Variants in ZNF827 observed in about 807,000 individuals in gnomAD.
The protein encoded by ZNF827 is zinc finger protein 827.
ZNF827 carries 13 observed loss-of-function variants against 102.4 expected under a neutral mutation model. The ratio of observed to expected loss-of-function variants is 0.13; its 90% CI spans 0.08 to 0.20. The LOEUF (loss-of-function observed/expected upper bound fraction) is 0.20, where lower values mean the gene tolerates loss of function less well. Ranked by LOEUF, ZNF827 falls within the 10% of genes least tolerant of loss-of-function variation. The probability of loss-of-function intolerance (pLI) is 1.00; values close to 1 mark genes in which losing one functional copy is unlikely to be tolerated. For synonymous variants in ZNF827, 523 were observed against 536.2 expected (o/e 0.98, Z 0.34); for missense variants, 1,103 against 1,344.4 (o/e 0.82, Z 2.81).
At chr4:145,924,023 T>A (rs1019012240) in intron 1 of ZNF827, among the ~76,000 whole-genome samples, 1 of 152,164 alleles carries the variant, frequency 6.6e-6, no homozygotes, top group Non-Finnish European at 1.5e-5. Context: ...AAAGCAAACA[T>A]CCATTGTGGT....
At chr4:145,891,873 T>A (rs1446174011) in intron 3 of ZNF827, among the ~76,000 whole-genome samples, 1 of 152,174 alleles carries the variant, frequency 6.6e-6, no homozygotes, top group East Asian at 1.9e-4. Context: ...TGGTGCTCAG[T>A]CCAGCAGCTC....
chr4:145,844,270 C>T (rs1263645479), intron 7 of ZNF827, among the ~76,000 whole-genome samples: 6 of 152,044 alleles, frequency 3.9e-5, no homozygotes, highest in Admixed American at 6.6e-5. Context: ...CCAATACAAT[C>T]TGCAGTCCAT....
chr4:145,765,602 G>C lies in ZNF827; in HGVS notation c.2997C>G (p.Ile999Met), dbSNP rs756583284. The C allele has an allele frequency of 6.2e-7, 1 of 1,614,122 alleles. No homozygotes were observed. The highest frequency in any genetic ancestry group is 1.1e-5 in the South Asian group (1 of 91,066). ...KNKGGNNLLV[I>M]SVMPGSQPSL... ...AGGGCTGGCTCCCAGGCATGACAGA[G>C]ATGACCAGCAGATTGTTCCCGCCCT... Residue 999 changes from isoleucine (I) to methionine (M), a missense_variant, in exon 12 of 15, where the codon ATC becomes ATG. This residue lies in a region of ZNF827 where 242 missense variants were observed against 361.9 expected (regional missense o/e 0.67). Coordinates refer to ENST00000508784, the MANE Select transcript of ZNF827 (RefSeq NM_001306215.2). This position sits in a 1 kb window ranked among gnomAD's most constrained non-coding sequence, Gnocchi z 4.7.
chr4:145,791,603 A>G lies in ZNF827; in HGVS notation c.2384-12092T>C, dbSNP rs375483847. Among the ~76,000 whole-genome samples, 214 of 152,318 alleles carry G rather than the reference A, an allele frequency of 1.4e-3. 1 individual carries two copies. Among genetic ancestry groups the G allele is most frequent in the African/African-American group, 5.0e-3 (209 of 41,576 alleles). ...TATATAAATAAAATAGGCCATCTCT[A>G]TTATATCATTCTCAATAATTTGAAT... On this transcript the variant is annotated intron_variant, in intron 8 of 14. Coordinates refer to ENST00000508784, the MANE Select transcript of ZNF827 (RefSeq NM_001306215.2).
At chr4:145,877,042 C>CT (rs950594939) in intron 4 of ZNF827, among the ~76,000 whole-genome samples, 5 of 152,034 alleles carry the variant, frequency 3.3e-5, no homozygotes, top group African/African-American at 1.2e-4. Flanking sequence ...CAAATAGCAA[C>CT]TTTTTTTCCC....
chr4:145,776,518 T>A (rs148893499), intron 9 of ZNF827, among the ~76,000 whole-genome samples: 273 of 152,142 alleles, frequency 1.8e-3, no homozygotes, highest in African/African-American at 6.3e-3. Context: ...ACCTGCTTTT[T>A]TTTTCCTGGA....
Position 145,870,225 on chromosome 4 carries a change from T to TTTTAGAATATTCACTTGA in ZNF827, c.1981+19_1981+20insTCAAGTGAATATTCTAAA. 1 of 1,611,176 alleles carries TTTTAGAATATTCACTTGA rather than the reference T, an allele frequency of 6.2e-7. No homozygotes were observed. On this transcript the variant is annotated intron_variant, in intron 5 of 14. Coordinates refer to ENST00000508784, the MANE Select transcript of ZNF827 (RefSeq NM_001306215.2). ...AAGTGAAACTATCAGAATGTGAATA[T>TTTTAGAATATTCACTTGA]TTTAGAATAAATCAAGTACCTGAGA...
At chr4:145,892,111 T>G (rs1014864726) in intron 3 of ZNF827, 132 bp downstream of exon 3, 5 of 781,724 alleles carry the variant, frequency 6.4e-6, no homozygotes, top group Non-Finnish European at 7.7e-6. Context: ...CCTTGCTACG[T>G]GGAGTACTGT....
At chr4:145,853,576 T>C (rs1157578044) in intron 5 of ZNF827, among the ~76,000 whole-genome samples, 1 of 151,642 alleles carries the variant, frequency 6.6e-6, no homozygotes, top group Non-Finnish European at 1.5e-5. Context: ...GGAGACTCTG[T>C]CTCAAAACAA....
chr4:145,908,651 A>C (rs954770231), intron 1 of ZNF827, among the ~76,000 whole-genome samples: 1 of 152,248 alleles, frequency 6.6e-6, no homozygotes, highest in Non-Finnish European at 1.5e-5. Context: ...TTTACTACAA[A>C]AGTTATTAGC....
intron 5 of ZNF827, among the ~76,000 whole-genome samples, chr4:145,851,490 A>G (rs1240016630): frequency 6.6e-6 from 1 of 152,224 alleles, no homozygotes; most frequent in Non-Finnish European, 1.5e-5. Context: ...ATACACGTAT[A>G]TAGTTTATTG....
At chr4:145,768,852 C>A (rs1281943305) in intron 11 of ZNF827, among the ~76,000 whole-genome samples, 3 of 49,584 alleles carry the variant, frequency 6.1e-5, no homozygotes, top group African/African-American at 8.4e-5. Context: ...GAGCAAGACT[C>A]CGTCTCAAAA....
chr4:145,762,110 CAG>C lies in ZNF827; in HGVS notation c.*18-514_*18-513del, dbSNP rs1037005470. Among the ~76,000 whole-genome samples, 4 of 152,168 alleles carry C rather than the reference CAG, an allele frequency of 2.6e-5. No homozygotes were observed. Among genetic ancestry groups the C allele is most frequent in the African/African-American group, 7.2e-5 (3 of 41,414 alleles). On this transcript the variant is annotated intron_variant, in intron 14 of 14. Coordinates refer to ENST00000508784, the MANE Select transcript of ZNF827 (RefSeq NM_001306215.2). This position sits in a 1 kb window ranked among gnomAD's most constrained non-coding sequence, Gnocchi z 4.9. ...TAGGGGGAGCGCTACCTCCAGCAAA[CAG>C]AAAGTCACAGGGGTCAGAATCGTGC... is the stretch of plus-strand genomic sequence containing the variant.
Position 145,886,068 on chromosome 4 carries a change from G to T in ZNF827, c.1357C>A (p.Arg453Ser). 1 of 1,614,190 alleles carries T rather than the reference G, an allele frequency of 6.2e-7. No homozygotes were observed. Among genetic ancestry groups the T allele is most frequent in the Non-Finnish European group, 8.5e-7 (1 of 1,180,012 alleles). ...GTCCTCAGGAAGTGCTGATGGCAAC[G>T]CATGTGGAGTTTCAGGCTGAAGTGG... ...SRHFSLKLHM[R>S]CHQHFLRTEA... Residue 453 changes from arginine to serine, a missense_variant, in exon 4 of 15, where the codon CGT becomes AGT. By Grantham distance (110) the Arg-to-Ser change is moderately radical. This residue lies in a region of ZNF827 where 157 missense variants were observed against 211.7 expected (regional missense o/e 0.74). Coordinates refer to ENST00000508784, the MANE Select transcript of ZNF827 (RefSeq NM_001306215.2).
chr4:145,761,882 G>A lies in ZNF827; in HGVS notation c.*18-284C>T, dbSNP rs1019672659. Among the ~76,000 whole-genome samples the A allele has an allele frequency of 6.6e-6, 1 of 152,206 alleles. No individual in the cohort carries two copies. Among genetic ancestry groups the A allele is most frequent in the Non-Finnish European group, 1.5e-5 (1 of 68,028 alleles). ...AGGCCAGCCCTCACCAAGGGGAGCAGAGAAAGTGCCAGGAATCAATTTGCT... is the reference window on the plus strand; with the variant it reads ...AGGCCAGCCCTCACCAAGGGGAGCAAAGAAAGTGCCAGGAATCAATTTGCT... On this transcript the variant is annotated intron_variant, in intron 14 of 14. Coordinates refer to ENST00000508784, the MANE Select transcript of ZNF827 (RefSeq NM_001306215.2). The surrounding 1 kb of genome is among the most constrained non-coding windows in gnomAD (Gnocchi z 6.8).
intron 7 of ZNF827, among the ~76,000 whole-genome samples, chr4:145,829,878 G>T (rs184732394): frequency 0.018 from 2,716 of 152,292 alleles, 75 homozygotes; most frequent in African/African-American, 0.062. Flanking sequence ...TGCCACAGAT[G>T]TGTCAGTATT....
intron 1 of ZNF827, among the ~76,000 whole-genome samples, chr4:145,930,838 C>CGTGT (rs145667788): frequency 6.6e-6 from 1 of 151,122 alleles, no homozygotes; most frequent in East Asian, 1.9e-4. Flanking sequence ...TGTGTGTGTG[C>CGTGT]GTGTGTGTGT....
At chr4:145,816,331 G>C (rs144517668) in intron 8 of ZNF827, among the ~76,000 whole-genome samples, 192 of 152,354 alleles carry the variant, frequency 1.3e-3, no homozygotes, top group African/African-American at 4.5e-3. Flanking sequence ...AATCACAGTT[G>C]TTTCTTTATC....
chr4:145,930,012 T>C (rs1219477300), intron 1 of ZNF827, among the ~76,000 whole-genome samples: 2 of 152,228 alleles, frequency 1.3e-5, no homozygotes, highest in African/African-American at 2.4e-5. Flanking sequence ...GTTTGACTGC[T>C]GCCCTACGAA....
Sources: gnomAD v4.1 joint callset for allele counts (sites outside exome capture counted in the v4.1 genomes callset) on GRCh38, gnomAD v4.1.1 for gene constraint, gnomAD v4.1.1 regional missense constraint, Gnocchi (gnomAD v3.1) non-coding constraint, MANE v1.5 for transcripts, NCBI Gene and HGNC (gene_info 2026-07-23, HGNC 2026-07-21) for gene names.